KIAA1210: variants seen among roughly 807,000 people sequenced by gnomAD.
KIAA1210 encodes the protein KIAA1210, also known as acrosomal protein KIAA1210.
KIAA1210 carries 48 observed loss-of-function variants against 78.9 expected under a neutral mutation model. That is an observed-to-expected ratio of 0.61 (90% CI 0.48 to 0.77). The LOEUF is 0.77. Among genes scored for constraint, KIAA1210 ranks in the 30% least tolerant of loss-of-function variants. The pLI, the probability that KIAA1210 is intolerant of heterozygous loss-of-function variation, is 0.00. For synonymous variants in KIAA1210, 406 were observed against 404.5 expected, an observed-to-expected ratio of 1.00 and a Z score of -0.04; for missense variants, 1,108 against 1,100.0, an observed-to-expected ratio of 1.01 and a Z score of -0.10.
chrX:119,122,361 C>T (rs754249444), intron 2 of KIAA1210, among the ~76,000 whole-genome samples: 7 of 111,967 alleles, frequency 6.3e-5, no homozygotes, highest in South Asian at 7.5e-4. Flanking sequence ...TGAGCCACCA[C>T]GCCCAGCTGG....
chrX:119,110,472 G>T (rs143567786), intron 3 of KIAA1210, among the ~76,000 whole-genome samples: 1,471 of 111,179 alleles, frequency 0.013, 20 homozygotes, highest in African/African-American at 0.045. Flanking sequence ...ATTATAGACC[G>T]GGAAATTAGG....
chrX:119,082,958 A>C (rs939077657), intron 11 of KIAA1210, 57 bp downstream of exon 11: 1 of 862,523 alleles, frequency 1.2e-6, no homozygotes, highest in African/African-American at 2.0e-5. Flanking sequence ...AAATTGCAAA[A>C]GTTTTACAAC....
Position 119,087,251 on chromosome X carries a change from G to T in KIAA1210, c.3451C>A (p.Gln1151Lys). ...SPKEWRNSKK[Q>K]LPPKHSSQAS... ...TGGGAAGAATGTTTGGGAGGCAGCT[G>T]CTTTTTAGAATTCCTCCACTCTTTA... The change falls in exon 9 of 12, where the codon CAG (glutamine) becomes AAG (lysine). Residue 1151 changes from glutamine to lysine, a missense_variant. Coordinates refer to ENST00000691062, the MANE Select transcript of KIAA1210 (RefSeq NM_001394962.1). The T allele has an allele frequency of 8.3e-7, 1 of 1,211,163 alleles. No homozygotes were observed. The highest frequency in any genetic ancestry group is 1.1e-6 in the Non-Finnish European group (1 of 895,066).
At chrX:119,110,375 T>C (rs1022138103) in intron 3 of KIAA1210, among the ~76,000 whole-genome samples, 5 of 112,035 alleles carry the variant, frequency 4.5e-5, no homozygotes, top group African/African-American at 1.6e-4. Flanking sequence ...GCTAACATCA[T>C]GGTGAAGGCT....
chrX:119,103,330 T>A (rs189625251), intron 6 of KIAA1210, among the ~76,000 whole-genome samples: 1 of 112,102 alleles, frequency 8.9e-6, no homozygotes, highest in East Asian at 2.8e-4. Flanking sequence ...AACAAGCACA[T>A]GAAAAGATAC....
At chrX:119,104,952 T>C in intron 6 of KIAA1210, 40 bp downstream of exon 6, 1 of 1,153,711 alleles carries the variant, frequency 8.7e-7, no homozygotes. Flanking sequence ...ATGCCTCTGA[T>C]CTGTGAGGCC....
intron 6 of KIAA1210, 76 bp downstream of exon 6, chrX:119,104,916 G>C: frequency 1.0e-6 from 1 of 970,656 alleles, no homozygotes; most frequent in Non-Finnish European, 1.4e-6. Flanking sequence ...GCTCCAGCGG[G>C]AGAATAGATG....
At chrX:119,104,170 A>G (rs773735064) in intron 6 of KIAA1210, among the ~76,000 whole-genome samples, 92 of 112,559 alleles carry the variant, frequency 8.2e-4, no homozygotes, top group African/African-American at 2.9e-3. Flanking sequence ...TTCAGATTAT[A>G]CATCCCAATT....
At chrX:119,112,118 C>T (rs767616802) in intron 3 of KIAA1210, among the ~76,000 whole-genome samples, 2 of 111,238 alleles carry the variant, frequency 1.8e-5, no homozygotes, top group Non-Finnish European at 3.8e-5. Context: ...CACTCTCTCT[C>T]TACTGCCACC....
chrX:119,117,928 T>C (rs1279803899), intron 2 of KIAA1210, among the ~76,000 whole-genome samples: 1 of 111,424 alleles, frequency 9.0e-6, no homozygotes, highest in African/African-American at 3.3e-5. Flanking sequence ...AGTTTCTTAA[T>C]AAGCACATAT....
chrX:119,129,334 TG>T (rs1194051354), upstream of KIAA1210, among the ~76,000 whole-genome samples: 2 of 110,895 alleles, frequency 1.8e-5, no homozygotes, highest in African/African-American at 6.6e-5. Context: ...GGCAAGTCAC[TG>T]GGGGGTTTGG....
intron 2 of KIAA1210, among the ~76,000 whole-genome samples, chrX:119,135,819 C>T (rs1057335107): frequency 3.6e-5 from 4 of 111,304 alleles, no homozygotes; most frequent in African/African-American, 9.8e-5. Context: ...TTTGGGAGGC[C>T]GAGGCGGGCG....
At chrX:119,134,321 A>AT (rs1928862962) in intron 2 of KIAA1210, among the ~76,000 whole-genome samples, 1 of 112,632 alleles carries the variant, frequency 8.9e-6, no homozygotes, top group Non-Finnish European at 1.9e-5. Context: ...TCTTTTACAT[A>AT]GCCAAGTAGT....
At chrX:119,118,158 C>T (rs192501506) in intron 2 of KIAA1210, among the ~76,000 whole-genome samples, 401 of 111,978 alleles carry the variant, frequency 3.6e-3, no homozygotes, top group Non-Finnish European at 6.6e-3. Context: ...GTTGCCAATG[C>T]AGCAGCCATC....
intron 2 of KIAA1210, among the ~76,000 whole-genome samples, chrX:119,137,890 G>T (rs1003832323): frequency 2.7e-5 from 3 of 111,823 alleles, no homozygotes; most frequent in Non-Finnish European, 3.8e-5. Flanking sequence ...GGTACAGGGG[G>T]CTAGATGCCA....
intron 3 of KIAA1210, 87 bp from the exon 4 acceptor site, chrX:119,109,289 A>G: frequency 1.1e-6 from 1 of 917,298 alleles, no homozygotes; most frequent in Non-Finnish European, 1.5e-6. Flanking sequence ...GGCCTACCAT[A>G]GATACCTCAG....
rs35969490 is a variant in KIAA1210 at position 119,100,328 on chromosome X, T to TAAAAAA, written c.649-3643_649-3638dup. 6.9e-4 allele frequency among the ~76,000 whole-genome samples: 32 copies of TAAAAAA among 46,529 alleles called. 1 individual carries two copies. Among genetic ancestry groups the TAAAAAA allele is most frequent in the African/African-American group, 3.1e-3 (29 of 9,386 alleles). 40.4% of individuals were successfully genotyped at this position (46,529 alleles called of 115,157 possible). On this transcript the variant is annotated intron_variant, in intron 6 of 11. Transcript: ENST00000691062. ...CTGGGCAACAGAGCAAGACTGTCTT[T>TAAAAAA]AAAAAAAAAAAAAAAAAAAAAAAAA...
upstream of KIAA1210, among the ~76,000 whole-genome samples, chrX:119,129,969 G>A (rs1163978450): frequency 9.0e-6 from 1 of 111,347 alleles, no homozygotes; most frequent in Non-Finnish European, 1.9e-5. Flanking sequence ...AAATAAATTT[G>A]TCCCTTAATC....
At chrX:119,093,249 A>AT (rs1262626917) in intron 8 of KIAA1210, among the ~76,000 whole-genome samples, 4 of 112,208 alleles carry the variant, frequency 3.6e-5, no homozygotes, top group East Asian at 5.6e-4. Context: ...TAAAAAAATG[A>AT]TTTTTTGGCC....
Sources: allele counts gnomAD v4.1 joint callset (sites outside exome capture counted in the v4.1 genomes callset), GRCh38; gene constraint gnomAD v4.1.1; transcripts MANE v1.5; gene names NCBI Gene and HGNC (gene_info 2026-07-23, HGNC 2026-07-21).